The following PXK variants were observed in gnomAD, a reference collection of about 807,000 sequenced individuals.
PXK encodes PX domain containing serine/threonine kinase like, also known as PX domain-containing protein kinase-like protein.
PXK carries 35 observed loss-of-function variants against 84.7 expected under a neutral mutation model. That is an observed-to-expected ratio of 0.41 (90% CI 0.32 to 0.55). The LOEUF (loss-of-function observed/expected upper bound fraction) is 0.55, where lower values mean the gene tolerates loss of function less well. Ranked by LOEUF, PXK falls within the 20% of genes least tolerant of loss-of-function variation. PXK has a pLI of 0.21. For missense variants in PXK, 634 were observed against 699.7 expected (o/e 0.91, Z 1.06); for synonymous variants, 253 against 260.8 (o/e 0.97, Z 0.29).
In PXK at chr3:58,411,804, A is replaced by C. The variant is rs1201097545; in HGVS notation, c.1466-1097A>C. Among the ~76,000 whole-genome samples, 16 of 152,218 alleles carry C rather than the reference A, an allele frequency of 1.1e-4. No homozygotes were observed. The highest frequency in any genetic ancestry group is 1.0e-3 in the Admixed American group (16 of 15,278). ...CTTCTCCCCATTAAAGTTCATTAGCACTACGAACAGTATAAAGACAGCATG... is the reference window on the plus strand; with the variant it reads ...CTTCTCCCCATTAAAGTTCATTAGCCCTACGAACAGTATAAAGACAGCATG... On this transcript the variant is annotated intron_variant, in intron 16 of 17. Coordinates refer to ENST00000356151, the MANE Select transcript of PXK (RefSeq NM_017771.5). The surrounding 1 kb of genome is among the most constrained non-coding windows in gnomAD (Gnocchi z 4.2).
In PXK at chr3:58,340,307, G is replaced by A. The variant is rs1035271115; in HGVS notation, c.102+7217G>A. On this transcript the variant is annotated intron_variant, in intron 1 of 17. Coordinates refer to ENST00000356151, the MANE Select transcript of PXK (RefSeq NM_017771.5). The stretch of plus-strand genomic sequence containing the variant: ...CTGGCTAATTTTTAAATTTTCTGTC[G>A]AGACAGGGCCTCCCCATGTTGCCCA... 2.7e-5 allele frequency among the ~76,000 whole-genome samples: 4 copies of A among 150,382 alleles called. No homozygotes were observed. In the South Asian group the frequency reaches 6.3e-4, roughly 24 times the overall value.
chr3:58,356,415 C>T (rs1413711528), intron 1 of PXK, among the ~76,000 whole-genome samples: 1 of 152,086 alleles, frequency 6.6e-6, no homozygotes, highest in Non-Finnish European at 1.5e-5. Context: ...TGTACTCTGT[C>T]GATCCTGTTC....
At chr3:58,382,745 C>G in intron 4 of PXK, 45 bp downstream of exon 4, 2 of 1,364,658 alleles carry the variant, frequency 1.5e-6, no homozygotes, top group Non-Finnish European at 2.0e-6. Context: ...GCTAAAGAGG[C>G]ACTGTCCCTT....
chr3:58,350,782 A>T (rs1252605313), intron 1 of PXK, among the ~76,000 whole-genome samples: 1 of 152,160 alleles, frequency 6.6e-6, no homozygotes, highest in Non-Finnish European at 1.5e-5. Flanking sequence ...CTCTCTGAAG[A>T]TATGTGTCTG....
At chr3:58,339,085 C>G (rs922289359) in intron 1 of PXK, among the ~76,000 whole-genome samples, 1 of 152,168 alleles carries the variant, frequency 6.6e-6, no homozygotes, top group African/African-American at 2.4e-5. Context: ...TCCTGGAAAT[C>G]TGAGATGGAC....
chr3:58,424,973 A>C lies in PXK; in HGVS notation c.*13A>C. On this transcript the variant is annotated 3_prime_UTR_variant, in exon 18 of 18. Transcript: ENST00000356151. The stretch of plus-strand genomic sequence containing the variant: ...GAAGATCGGCTGAAGCTTCCTGTTT[A>C]CACTTGGAGGGAAAAGTTCTTTTTT... The C allele has an allele frequency of 6.2e-7, 1 of 1,613,514 alleles. No individual in the cohort carries two copies. Among genetic ancestry groups the C allele is most frequent in the Non-Finnish European group, 8.5e-7 (1 of 1,179,766 alleles).
At chr3:58,360,356 T>TA (rs2098161982) in intron 1 of PXK, among the ~76,000 whole-genome samples, 1 of 152,238 alleles carries the variant, frequency 6.6e-6, no homozygotes, top group South Asian at 2.1e-4. Flanking sequence ...GATAGTGTAA[T>TA]ACGATCAATT....
intron 1 of PXK, among the ~76,000 whole-genome samples, chr3:58,342,921 G>A (rs748794153): frequency 1.3e-5 from 2 of 152,324 alleles, no homozygotes; most frequent in Middle Eastern, 3.4e-3. Flanking sequence ...GCTCTGTGCC[G>A]GAGAGCAGGG....
chr3:58,422,257 A>T (rs2107821649), intron 17 of PXK: 5 of 985,202 alleles, frequency 5.1e-6, no homozygotes, highest in Non-Finnish European at 6.0e-6. Flanking sequence ...CCACCTTCTG[A>T]CCCCTAGACC....
rs964870139 is a variant in PXK at position 58,421,529 on chromosome 3, G to A, written c.1529-3223G>A. On this transcript the variant is annotated intron_variant, in intron 17 of 17. Transcript: ENST00000356151. This position sits in a 1 kb window ranked among gnomAD's most constrained non-coding sequence, Gnocchi z 5.5. Reference sequence around the variant, plus strand: ...CGGGAGGCGGAGCTTGCAGTGAGCCGAGATCGCGCCACTGCACTCCAGCCT... The same window carrying A: ...CGGGAGGCGGAGCTTGCAGTGAGCCAAGATCGCGCCACTGCACTCCAGCCT... The A allele has an allele frequency of 7.5e-6, 7 of 931,894 alleles. No individual in the cohort carries two copies. The highest frequency in any genetic ancestry group is 3.6e-5 in the African/African-American group (2 of 55,952). 57.7% of individuals were successfully genotyped at this position (931,894 alleles called of 1,614,324 possible).
At chr3:58,343,596 C>G (rs1345152574) in intron 1 of PXK, among the ~76,000 whole-genome samples, 2 of 152,236 alleles carry the variant, frequency 1.3e-5, no homozygotes, top group Non-Finnish European at 2.9e-5. Flanking sequence ...GAAGACACAC[C>G]TCTGCTTCTT....
chr3:58,403,295 C>T (rs1047079931), intron 12 of PXK, among the ~76,000 whole-genome samples: 3 of 151,946 alleles, frequency 2.0e-5, no homozygotes, highest in East Asian at 3.9e-4. Context: ...CATGAGCCAC[C>T]GCACCCAGCC....
chr3:58,419,983 C>A (rs370275322), intron 17 of PXK, among the ~76,000 whole-genome samples: 10 of 152,362 alleles, frequency 6.6e-5, no homozygotes, highest in African/African-American at 2.4e-4. Flanking sequence ...CCAGTGCTTC[C>A]GCCTTGAGGA....
At chr3:58,354,925 C>T (rs1309386554) in intron 1 of PXK, among the ~76,000 whole-genome samples, 1 of 151,940 alleles carries the variant, frequency 6.6e-6, no homozygotes. Flanking sequence ...TCGAGACCAT[C>T]CTGGCCAACA....
chr3:58,355,145 A>G (rs74838403), intron 1 of PXK, among the ~76,000 whole-genome samples: 3 of 149,478 alleles, frequency 2.0e-5, no homozygotes, highest in Non-Finnish European at 4.4e-5. Flanking sequence ...AAAAAAAAAA[A>G]AGAAAAAACA....
intron 9 of PXK, among the ~76,000 whole-genome samples, chr3:58,396,177 A>G (rs913575555): frequency 6.6e-5 from 10 of 152,200 alleles, no homozygotes; most frequent in African/African-American, 1.2e-4. Flanking sequence ...TTCTGGGATT[A>G]TGCAACCTTA....
rs576152569 is a variant in PXK at position 58,359,972 on chromosome 3, A to AC, written c.103-5898dup. On this transcript the variant is annotated intron_variant, in intron 1 of 17. Coordinates refer to ENST00000356151, the MANE Select transcript of PXK (RefSeq NM_017771.5). Reference sequence around the variant, plus strand: ...AGACCAGCCTGAGCAACATACTGAGACCCCGTTTCTACAAAAAATTTAAAA... The same window carrying AC: ...AGACCAGCCTGAGCAACATACTGAGACCCCCGTTTCTACAAAAAATTTAAAA... 1.7e-4 allele frequency among the ~76,000 whole-genome samples: 26 copies of AC among 152,176 alleles called. No homozygotes were observed. The East Asian group carries it at 3.9e-3, about 23-fold the overall frequency.
chr3:58,375,680 GTT>G (rs2098436065), intron 3 of PXK, among the ~76,000 whole-genome samples: 4 of 152,146 alleles, frequency 2.6e-5, no homozygotes, highest in African/African-American at 9.7e-5. Flanking sequence ...AGATGTACAG[GTT>G]AGGTGAACCA....
chr3:58,417,547 G>C (rs1193485772), intron 17 of PXK, among the ~76,000 whole-genome samples: 1 of 152,116 alleles, frequency 6.6e-6, no homozygotes, highest in Admixed American at 6.5e-5. Flanking sequence ...CTTTCTTTAA[G>C]TCTGCTGGCA....
Sources: allele counts gnomAD v4.1 joint callset (sites outside exome capture counted in the v4.1 genomes callset), GRCh38; gene constraint gnomAD v4.1.1; non-coding constraint Gnocchi (gnomAD v3.1); transcripts MANE v1.5; gene names NCBI Gene and HGNC (gene_info 2026-07-23, HGNC 2026-07-21).